Variants in REDIC1 observed in about 807,000 individuals in gnomAD.
The protein encoded by REDIC1 is HEI10 Interacting Protein 1.
chr12:39,760,334 T>C, the REDIC1 span: 1 of 1,318,170 alleles, frequency 7.6e-7, no homozygotes, highest in Non-Finnish European at 1.0e-6. Flanking sequence ...TTTTGACTTT[T>C]TTTTTCTGGT....
chr12:39,898,179 C>G, the REDIC1 span, among the ~76,000 whole-genome samples: 1 of 152,054 alleles, frequency 6.6e-6, no homozygotes, highest in Non-Finnish European at 1.5e-5. Context: ...GGATAAATTT[C>G]TAGAAGTAAA....
chr12:39,799,844 A>C, the REDIC1 span, among the ~76,000 whole-genome samples: 1 of 152,228 alleles, frequency 6.6e-6, no homozygotes, highest in South Asian at 2.1e-4. Flanking sequence ...CACATGCCTT[A>C]GCAAGAAACT....
At chr12:39,882,020 G>T in the REDIC1 span, among the ~76,000 whole-genome samples, 1,846 of 152,064 alleles carry the variant, frequency 0.012, 40 homozygotes, top group African/African-American at 0.042. Context: ...GGCCAGCACA[G>T]CCTACTCTCA....
the REDIC1 span, among the ~76,000 whole-genome samples, chr12:39,635,868 C>T: frequency 6.6e-6 from 1 of 152,010 alleles, no homozygotes; most frequent in Non-Finnish European, 1.5e-5. Flanking sequence ...AAATCCATGT[C>T]TAGCTACCTG....
chr12:39,723,978 A>G, the REDIC1 span, among the ~76,000 whole-genome samples: 1 of 152,120 alleles, frequency 6.6e-6, no homozygotes, highest in Non-Finnish European at 1.5e-5. Context: ...TGCCCAGCTC[A>G]CATTTCTTGG....
At chr12:39,704,860 G>T in the REDIC1 span, among the ~76,000 whole-genome samples, 414 of 152,102 alleles carry the variant, frequency 2.7e-3, 1 homozygote, top group African/African-American at 9.5e-3. Flanking sequence ...CTCATAGGTG[G>T]GAATTGAACA....
the REDIC1 span, among the ~76,000 whole-genome samples, chr12:39,695,102 C>T: frequency 6.6e-6 from 1 of 152,062 alleles, no homozygotes; most frequent in Non-Finnish European, 1.5e-5. Context: ...TCAGTGATGC[C>T]CAGGGACTGC....
At chr12:39,760,389 T>C in the REDIC1 span, 2 of 669,522 alleles carry the variant, frequency 3.0e-6, no homozygotes, top group Non-Finnish European at 2.5e-6. Flanking sequence ...AAAATTACTA[T>C]GAACCTGGTT....
At chr12:39,821,461 T>C in the REDIC1 span, among the ~76,000 whole-genome samples, 2 of 152,074 alleles carry the variant, frequency 1.3e-5, no homozygotes, top group Admixed American at 1.3e-4. Flanking sequence ...CCAGGGTATC[T>C]TGCTATATCA....
the REDIC1 span, among the ~76,000 whole-genome samples, chr12:39,638,249 G>A: frequency 6.6e-6 from 1 of 152,016 alleles, no homozygotes; most frequent in Non-Finnish European, 1.5e-5. Flanking sequence ...AACAGGGACT[G>A]CAGTGCATCT....
chr12:39,640,074 T>A, the REDIC1 span, among the ~76,000 whole-genome samples: 5 of 151,204 alleles, frequency 3.3e-5, no homozygotes, highest in Admixed American at 1.3e-4. Flanking sequence ...TTTTTTTTTT[T>A]AAAGAAGATG....
At chr12:39,714,926 A>T in the REDIC1 span, among the ~76,000 whole-genome samples, 1 of 151,380 alleles carries the variant, frequency 6.6e-6, no homozygotes, top group Non-Finnish European at 1.5e-5. Flanking sequence ...TTTTTTTCTT[A>T]CTGAATTATT....
At chr12:39,831,422 T>G in the REDIC1 span, among the ~76,000 whole-genome samples, 8 of 152,296 alleles carry the variant, frequency 5.3e-5, no homozygotes, top group East Asian at 1.2e-3. Context: ...CGTGATACTA[T>G]GGGTTGTGAA....
chr12:39,896,432 GTA>G, the REDIC1 span, among the ~76,000 whole-genome samples: 1 of 141,814 alleles, frequency 7.1e-6, no homozygotes, highest in Non-Finnish European at 1.5e-5. Flanking sequence ...GTGTATATAT[GTA>G]TACATATATG....
the REDIC1 span, among the ~76,000 whole-genome samples, chr12:39,718,226 A>G: frequency 6.6e-6 from 1 of 152,088 alleles, no homozygotes; most frequent in African/African-American, 2.4e-5. Context: ...AGCACAATGT[A>G]TAATGAACCT....
At chr12:39,669,942 C>T in the REDIC1 span, among the ~76,000 whole-genome samples, 3 of 152,092 alleles carry the variant, frequency 2.0e-5, no homozygotes, top group South Asian at 2.1e-4. Flanking sequence ...TTTCAGGTGC[C>T]GTCTGTCACC....
the REDIC1 span, among the ~76,000 whole-genome samples, chr12:39,879,533 CTTTAATA>C: frequency 6.6e-6 from 1 of 152,202 alleles, no homozygotes; most frequent in Admixed American, 6.5e-5. Context: ...TATTTTGAAG[CTTTAATA>C]TTTAATTACA....
At chr12:39,858,640 A>G in the REDIC1 span, among the ~76,000 whole-genome samples, 1 of 152,118 alleles carries the variant, frequency 6.6e-6, no homozygotes, top group African/African-American at 2.4e-5. Context: ...GGAGTCTTGC[A>G]CTATTGCCTG....
the REDIC1 span, among the ~76,000 whole-genome samples, chr12:39,775,535 T>C: frequency 1.3e-5 from 2 of 152,220 alleles, no homozygotes; most frequent in African/African-American, 2.4e-5. Context: ...AAGAAAATGT[T>C]TAGACTCTAT....
Sources: gnomAD v4.1 joint callset for allele counts (sites outside exome capture counted in the v4.1 genomes callset) on GRCh38, gnomAD v4.1.1 for gene constraint, MANE v1.5 for transcripts, NCBI Gene and HGNC (gene_info 2026-07-23, HGNC 2026-07-21) for gene names.